Variants in HECTD4 observed in about 807,000 individuals in gnomAD.
HECTD4 encodes the protein probable E3 ubiquitin-protein ligase HECTD4.
HECTD4 carries 114 observed loss-of-function variants against 471.5 expected under a neutral mutation model. That is an observed-to-expected ratio of 0.24 (90% CI 0.21 to 0.28). The LOEUF is 0.28. HECTD4 is among the 10% of genes least tolerant of loss of function. The pLI is 1.00. For missense variants in HECTD4, 3,866 were observed against 5,651.5 expected (o/e 0.68, Z 10.13); for synonymous variants, 2,012 against 2,256.0 (o/e 0.89, Z 3.07).
chr12:112,191,058 CAG>C, intron 59 of HECTD4, 93 bp from the exon 60 acceptor site: 2 of 1,107,078 alleles, frequency 1.8e-6, no homozygotes, highest in Non-Finnish European at 2.6e-6. Context: ...CATGTAGAAA[CAG>C]GGCTGGAGAG....
At position 112,243,376 on chromosome 12, in the gene HECTD4, C is replaced by T. The variant is rs370746939; in HGVS notation, c.4935G>A (p.Thr1645=). The T allele has an allele frequency of 8.7e-6, 14 of 1,612,100 alleles. No homozygotes were observed. The highest frequency in any genetic ancestry group is 1.1e-5 in the South Asian group (1 of 90,624). Reference sequence around the variant, plus strand: ...ACCTGGGTCCTCCCTGAAGGACCATCGTCACTGGACCCACAAGATGCGTCA... The same window carrying T: ...ACCTGGGTCCTCCCTGAAGGACCATTGTCACTGGACCCACAAGATGCGTCA... ...GGVTHLVGPV[T]MVLQGGPRIE... is the part of the protein sequence containing the mutation. The change falls in exon 32 of 76, where the codon ACG becomes ACA. Residue 1645 remains threonine, a synonymous_variant. Transcript: ENST00000682272. This position sits in a 1 kb window ranked among gnomAD's most constrained non-coding sequence, Gnocchi z 6.6.
At chr12:112,314,839 C>G (rs2035446420) in intron 2 of HECTD4, among the ~76,000 whole-genome samples, 1 of 152,136 alleles carries the variant, frequency 6.6e-6, no homozygotes, top group African/African-American at 2.4e-5. Context: ...GGCTCGAGCA[C>G]AAAGAACTTG....
intron 15 of HECTD4, 69 bp from the exon 16 acceptor site, chr12:112,265,364 TA>T (rs1421085364): frequency 9.7e-7 from 1 of 1,030,564 alleles, no homozygotes; most frequent in Non-Finnish European, 1.4e-6. Context: ...AAATTTTATA[TA>T]ATTAGTATAA....
intron 29 of HECTD4, among the ~76,000 whole-genome samples, chr12:112,245,084 C>T (rs2033728766): frequency 6.6e-6 from 1 of 152,114 alleles, no homozygotes; most frequent in Admixed American, 6.5e-5. Flanking sequence ...CTTACTGCAG[C>T]CTTGAACTCC....
intron 1 of HECTD4, among the ~76,000 whole-genome samples, chr12:112,368,289 C>T (rs2036604569): frequency 2.0e-5 from 3 of 152,138 alleles, no homozygotes; most frequent in Admixed American, 2.0e-4. Flanking sequence ...CTACAAGCTC[C>T]ATGCAAATAT....
intron 44 of HECTD4, among the ~76,000 whole-genome samples, chr12:112,219,951 C>T (rs542088087): frequency 7.2e-5 from 11 of 152,218 alleles, no homozygotes; most frequent in South Asian, 2.1e-4. Context: ...TCTTCCATAA[C>T]GTAGCCCAGC....
At chr12:112,219,259 C>T (rs986427527) in intron 45 of HECTD4, 127 bp downstream of exon 45, 12 of 560,968 alleles carry the variant, frequency 2.1e-5, no homozygotes, top group African/African-American at 2.1e-4. Context: ...GGGCATGTCA[C>T]TGCAAAAGAA....
At position 112,179,456 on chromosome 12, in the gene HECTD4, T is replaced by G. The variant is rs1434799645; in HGVS notation, c.10988-59A>C. On this transcript the variant is annotated intron_variant, in intron 62 of 75. Coordinates refer to ENST00000682272, the MANE Select transcript of HECTD4 (RefSeq NM_001388303.1). The surrounding 1 kb of genome is among the most constrained non-coding windows in gnomAD (Gnocchi z 4.3). Reference sequence around the variant, plus strand: ...CGTGAACATGCATCGGGACAAGCCCTGCGAGCATTCTGTTTCCAAACACTG... The same window carrying G: ...CGTGAACATGCATCGGGACAAGCCCGGCGAGCATTCTGTTTCCAAACACTG... The G allele has an allele frequency of 4.9e-6, 7 of 1,422,198 alleles. No individual in the cohort carries two copies. 88.1% of individuals were successfully genotyped at this position (1,422,198 alleles called of 1,614,324 possible).
At position 112,251,042 on chromosome 12, in the gene HECTD4, C is replaced by A. The variant is rs1169318827; in HGVS notation, c.3645G>T (p.Leu1215=). The change falls in exon 24 of 76, where the codon CTG becomes CTT. Residue 1215 remains leucine (L), a synonymous_variant. Coordinates refer to ENST00000682272, the MANE Select transcript of HECTD4 (RefSeq NM_001388303.1). Reference sequence around the variant, plus strand: ...CTTTGGTAATTTCTGGTCCATTGTACAGGATTCTTAACATGGAACAAGCTA... The same window carrying A: ...CTTTGGTAATTTCTGGTCCATTGTAAAGGATTCTTAACATGGAACAAGCTA... The part of the protein sequence containing the change: ...SVLACSMLRI[L]YNGPEITKEE... The A allele has an allele frequency of 6.2e-7, 1 of 1,613,890 alleles. No individual in the cohort carries two copies. Among genetic ancestry groups the A allele is most frequent in the African/African-American group, 1.3e-5 (1 of 74,938 alleles).
chr12:112,319,323 C>A lies in HECTD4; in HGVS notation c.597G>T (p.Leu199=), dbSNP rs955930763. The change falls in exon 2 of 76, where the codon CTG becomes CTT. Residue 199 remains leucine (L), a synonymous_variant. Transcript: ENST00000682272. The surrounding 1 kb of genome is among the most constrained non-coding windows in gnomAD (Gnocchi z 5.3). ...ADCLNGIETL[L]CSWLEETSDT... ...CAGAAGTCTCCTCTAGCCAAGAGCACAGCAAAGTTTCAATTCCATTGAGAC... is the reference window on the plus strand; with the variant it reads ...CAGAAGTCTCCTCTAGCCAAGAGCAAAGCAAAGTTTCAATTCCATTGAGAC... 6.5e-7 allele frequency: 1 copy of A among 1,536,008 alleles called. No homozygotes were observed. The highest frequency in any genetic ancestry group is 8.7e-7 in the Non-Finnish European group (1 of 1,146,918).
At chr12:112,373,404 G>A (rs953272100) in intron 1 of HECTD4, among the ~76,000 whole-genome samples, 2 of 151,878 alleles carry the variant, frequency 1.3e-5, no homozygotes, top group South Asian at 2.1e-4. Flanking sequence ...GTGGTGGCAC[G>A]GGAGTTACTC....
Position 112,269,757 on chromosome 12 carries a change from A to G in HECTD4, c.2268T>C (p.Ala756=), listed in dbSNP as rs891678650. The change falls in exon 13 of 76, where the codon GCT becomes GCC. Residue 756 remains alanine (A), a synonymous_variant. Coordinates refer to ENST00000682272, the MANE Select transcript of HECTD4 (RefSeq NM_001388303.1). ...SGLLLWQLLM[A]PKDQICPEIQ... ...TTTCAGGGCAAATTTGATCTTTTGG[A>G]GCCATCAACAACTGCCAAAGAAGCA... The G allele has an allele frequency of 6.2e-7, 1 of 1,613,984 alleles. No individual in the cohort carries two copies. The highest frequency in any genetic ancestry group is 8.5e-7 in the Non-Finnish European group (1 of 1,179,874).
intron 60 of HECTD4, among the ~76,000 whole-genome samples, chr12:112,186,594 C>A (rs1288373621): frequency 6.6e-6 from 1 of 151,794 alleles, no homozygotes; most frequent in South Asian, 2.1e-4. Context: ...CCGCCTCAGT[C>A]TCCCAAAGTA....
At position 112,213,655 on chromosome 12, in the gene HECTD4, C is replaced by T. The variant is rs1031251621; in HGVS notation, c.7466-1005G>A. Among the ~76,000 whole-genome samples the T allele has an allele frequency of 4.7e-5, 7 of 150,340 alleles. No homozygotes were observed. Among genetic ancestry groups the T allele is most frequent in the Admixed American group, 1.3e-4 (2 of 15,016 alleles). On this transcript the variant is annotated intron_variant, in intron 48 of 75. Coordinates refer to ENST00000682272, the MANE Select transcript of HECTD4 (RefSeq NM_001388303.1). The surrounding 1 kb of genome is among the most constrained non-coding windows in gnomAD (Gnocchi z 4.0). ...GAGCCAAGATTGTGCCACTGCACTT[C>T]AGCCTGGGCGACAGAGCAAGACTCC...
intron 9 of HECTD4, among the ~76,000 whole-genome samples, chr12:112,276,692 G>A (rs571398936): frequency 8.5e-5 from 13 of 152,194 alleles, no homozygotes; most frequent in African/African-American, 2.6e-4. Flanking sequence ...TGATCTGCCC[G>A]CCACAGCCTC....
chr12:112,373,259 G>A (rs1344212882), intron 1 of HECTD4, among the ~76,000 whole-genome samples: 1 of 152,068 alleles, frequency 6.6e-6, no homozygotes, highest in Non-Finnish European at 1.5e-5. Flanking sequence ...GATAATCCTT[G>A]GCCAGGCACG....
At chr12:112,165,722 G>A (rs1364732678) in intron 72 of HECTD4, among the ~76,000 whole-genome samples, 3 of 152,216 alleles carry the variant, frequency 2.0e-5, no homozygotes, top group Non-Finnish European at 2.9e-5. Flanking sequence ...CTTGCCACCA[G>A]ACAGCCCTGA....
chr12:112,163,517 C>T lies in HECTD4; in HGVS notation c.12897+25G>A, dbSNP rs771253864. 38 of 1,450,014 alleles carry T rather than the reference C, an allele frequency of 2.6e-5. No individual in the cohort carries two copies. Among genetic ancestry groups the T allele is most frequent in the Non-Finnish European group, 3.3e-5 (36 of 1,098,056 alleles). The allele number at this position is 1,450,014 out of a possible 1,614,324, so 89.8% of individuals were successfully genotyped here. On this transcript the variant is annotated intron_variant, in intron 74 of 75. Coordinates refer to ENST00000682272, the MANE Select transcript of HECTD4 (RefSeq NM_001388303.1). This position sits in a 1 kb window ranked among gnomAD's most constrained non-coding sequence, Gnocchi z 8.2. ...ACGCCTGGGGCTCACCACCTCCCCGCCCAGCCTGGCCCTGGGATGTCTACC... is the reference window on the plus strand; with the variant it reads ...ACGCCTGGGGCTCACCACCTCCCCGTCCAGCCTGGCCCTGGGATGTCTACC...
chr12:112,248,241 T>C, intron 26 of HECTD4, 70 bp from the exon 27 acceptor site: 1 of 1,522,408 alleles, frequency 6.6e-7, no homozygotes, highest in East Asian at 2.3e-5. Context: ...ACAATAGTAA[T>C]TTTAAAAATT....
Sources: allele counts gnomAD v4.1 joint callset (sites outside exome capture counted in the v4.1 genomes callset), GRCh38; gene constraint gnomAD v4.1.1; non-coding constraint Gnocchi (gnomAD v3.1); transcripts MANE v1.5; gene names NCBI Gene and HGNC (gene_info 2026-07-23, HGNC 2026-07-21).